Variants in SHPRH observed in about 807,000 individuals in gnomAD.
SHPRH encodes SNF2 histone linker PHD RING helicase, also known as E3 ubiquitin-protein ligase SHPRH.
A neutral mutation model predicts 202.5 loss-of-function variants in SHPRH; 106 were observed. The observed-to-expected ratio is 0.52, with a 90% CI of 0.45 to 0.62. SHPRH has a LOEUF of 0.62. SHPRH is among the 20% of genes least tolerant of loss of function. SHPRH has a pLI of 0.00. For missense variants in SHPRH, 1,710 were observed against 2,020.0 expected, an observed-to-expected ratio of 0.85 and a Z score of 2.94; for synonymous variants, 729 against 686.0, an observed-to-expected ratio of 1.06 and a Z score of -0.98.
intron 25 of SHPRH, chr6:145,907,135 T>C (rs1783034709): frequency 6.6e-6 from 1 of 152,156 alleles, no homozygotes; most frequent in African/African-American, 2.4e-5. Flanking sequence ...ACCTTAAATA[T>C]GATATGTCTA....
At chr6:145,917,451 G>C (rs1018202070) in intron 23 of SHPRH, 1 of 151,980 alleles carries the variant, frequency 6.6e-6, no homozygotes, top group Non-Finnish European at 1.5e-5. Context: ...TTTTCATTTT[G>C]TCTGAGATTT....
intron 14 of SHPRH, among the ~76,000 whole-genome samples, chr6:145,931,064 T>C (rs1785386466): frequency 6.6e-6 from 1 of 152,158 alleles, no homozygotes; most frequent in Non-Finnish European, 1.5e-5. Flanking sequence ...AGTGGCTTTA[T>C]CGTTCTTTTG....
chr6:145,904,122 T>A (rs1466872135), intron 25 of SHPRH: 1 of 152,094 alleles, frequency 6.6e-6, no homozygotes, highest in East Asian at 1.9e-4. Flanking sequence ...TACTAATAAA[T>A]AATAGTTTTA....
At chr6:145,874,364 TG>T (rs1780206110) in intron 2 of SHPRH, among the ~76,000 whole-genome samples, 1 of 152,124 alleles carries the variant, frequency 6.6e-6, no homozygotes, top group Admixed American at 6.5e-5. Flanking sequence ...GTTGATAGGC[TG>T]GAAGAACAAT....
chr6:145,919,580 C>CA (rs1275643997), intron 21 of SHPRH, 89 bp from the exon 22 acceptor site: 9 of 1,452,814 alleles, frequency 6.2e-6, no homozygotes, highest in Non-Finnish European at 8.4e-6. Context: ...CAAAAGTCTT[C>CA]AATGAGATCT....
In SHPRH at chr6:145,935,107, T is replaced by C; in HGVS notation, c.2790A>G (p.Glu930=). The change falls in exon 13 of 30, where the codon GAA becomes GAG. Residue 930 remains glutamate, a synonymous_variant. Transcript: ENST00000275233. ...CATGCTGACGGTGATAGAAATGCCT[T>C]TCCACTGGAGAAAAGTGGAGCCAGT... ...EIHWLHFSPV[E]RHFYHRQHEV... 2 of 1,613,964 alleles carry C rather than the reference T, an allele frequency of 1.2e-6. No individual in the cohort carries two copies. The highest frequency in any genetic ancestry group is 8.5e-7 in the Non-Finnish European group (1 of 1,179,974).
At position 145,922,770 on chromosome 6, in the gene SHPRH, C is replaced by G; in HGVS notation, c.3612G>C (p.Gln1204His). The G allele has an allele frequency of 6.2e-7, 1 of 1,612,098 alleles. No homozygotes were observed. Among genetic ancestry groups the G allele is most frequent in the Non-Finnish European group, 8.5e-7 (1 of 1,178,790 alleles). ...TTQMEELNKCQKLVREAVKNL... is the reference protein window; with the variant it reads ...TTQMEELNKCHKLVREAVKNL... ...TTTTTACAGCCTCTCTTACTAGCTT[C>G]TGGCATTTATTTAGCTCTTCCATTT... Residue 1204 changes from glutamine to histidine, a missense_variant, in exon 19 of 30, where the codon CAG (glutamine) becomes CAC (histidine). By Grantham distance (24) the Gln-to-His change is conservative. This residue lies in a region of SHPRH where 288 missense variants were observed against 317.8 expected (regional missense o/e 0.91). Transcript: ENST00000275233.
chr6:145,932,045 A>AT (rs1281540226), intron 14 of SHPRH, among the ~76,000 whole-genome samples: 6 of 151,726 alleles, frequency 4.0e-5, no homozygotes, highest in South Asian at 2.1e-4. Flanking sequence ...GACTTTATTG[A>AT]TTTTTTTCTT....
intron 21 of SHPRH, among the ~76,000 whole-genome samples, chr6:145,920,863 T>C (rs1474407359): frequency 1.3e-5 from 2 of 152,206 alleles, no homozygotes; most frequent in East Asian, 1.9e-4. Context: ...TAATTTCATA[T>C]AATAGCAGTG....
intron 22 of SHPRH, 117 bp from the exon 23 acceptor site, chr6:145,918,349 C>T: frequency 3.3e-6 from 2 of 598,798 alleles, no homozygotes; most frequent in South Asian, 9.5e-5. Context: ...AACCTATTTA[C>T]ATTCTAAAAC....
chr6:145,921,772 A>C (rs1784451128), intron 20 of SHPRH, among the ~76,000 whole-genome samples: 1 of 152,042 alleles, frequency 6.6e-6, no homozygotes, highest in South Asian at 2.1e-4. Flanking sequence ...CAGTAATAAC[A>C]GAAAAAGATT....
intron 7 of SHPRH, 102 bp downstream of exon 7, chr6:145,946,131 A>G (rs1191023549): frequency 1.3e-6 from 1 of 799,268 alleles, no homozygotes; most frequent in African/African-American, 1.8e-5. Flanking sequence ...ATAACTGTAA[A>G]AACAATTGTT....
In SHPRH at chr6:145,941,782, T is replaced by C; in HGVS notation, c.2331A>G (p.Ser777=). 1 of 1,614,048 alleles carries C rather than the reference T, an allele frequency of 6.2e-7. No homozygotes were observed. Among genetic ancestry groups the C allele is most frequent in the Non-Finnish European group, 8.5e-7 (1 of 1,179,964 alleles). ...GTGGGATATCGACATAATTTAATTC[T>C]GAACGCAGTACATCATAGGTAATGA... ...IVIITYDVLR[S]ELNYVDIPHS... is the part of the protein sequence containing the mutation. Residue 777 remains serine (S), a synonymous_variant, in exon 10 of 30, where the codon TCA becomes TCG. Transcript: ENST00000275233.
chr6:145,953,668 G>A (rs1277974070), intron 2 of SHPRH, among the ~76,000 whole-genome samples: 1 of 152,022 alleles, frequency 6.6e-6, no homozygotes, highest in Non-Finnish European at 1.5e-5. Flanking sequence ...AAATTTTCAG[G>A]TTTAGCATAA....
At chr6:145,957,888 T>G (rs1788670563) in intron 1 of SHPRH, among the ~76,000 whole-genome samples, 1 of 152,168 alleles carries the variant, frequency 6.6e-6, no homozygotes, top group Non-Finnish European at 1.5e-5. Context: ...TGTTAACAGC[T>G]TTACTATTAA....
chr6:145,864,301 T>G (rs778757856), exon 3 of SHPRH: 74 of 360,202 alleles, frequency 2.1e-4, no homozygotes, highest in Middle Eastern at 5.9e-4. Flanking sequence ...AGCCCCATAA[T>G]TTTTACTTGT....
At chr6:145,915,050 T>C (rs1337888606) in intron 23 of SHPRH, among the ~76,000 whole-genome samples, 2 of 149,614 alleles carry the variant, frequency 1.3e-5, no homozygotes, top group African/African-American at 4.9e-5. Context: ...GATTAAATTA[T>C]CTTAAAATAA....
In SHPRH at chr6:145,873,084, C is replaced by A. The variant is rs1780127869; in HGVS notation, c.222-8593G>T. On this transcript the variant is annotated intron_variant, in intron 2 of 2. Coordinates refer to the SHPRH transcript ENST00000417762. ...TAACTATTGGATAATGGGCTTAATACCTGGGTGATAGGATGATCTGTGTAG... is the reference window on the plus strand; with the variant it reads ...TAACTATTGGATAATGGGCTTAATAACTGGGTGATAGGATGATCTGTGTAG... Among the ~76,000 whole-genome samples, 4 of 152,120 alleles carry A rather than the reference C, an allele frequency of 2.6e-5. No individual in the cohort carries two copies. The South Asian group carries it at 8.3e-4, about 32-fold the overall frequency.
Position 145,921,318 on chromosome 6 carries a change from G to A in SHPRH, c.3857C>T (p.Thr1286Ile), listed in dbSNP as rs1424569124. 6.2e-7 allele frequency: 1 copy of A among 1,612,888 alleles called. No homozygotes were observed. Among genetic ancestry groups the A allele is most frequent in the South Asian group, 1.1e-5 (1 of 91,066 alleles). Residue 1286 changes from threonine (T) to isoleucine (I), a missense_variant, in exon 21 of 30, where the codon ACC (threonine) becomes ATC (isoleucine). This residue lies in a region of SHPRH where 288 missense variants were observed against 317.8 expected (regional missense o/e 0.91). Coordinates refer to ENST00000275233, the MANE Select transcript of SHPRH (RefSeq NM_001042683.3). ...TATTGCCCAGAGACCCCGGGTGGTG[G>A]TAGGTGCTCGATCATCCACCAGTCC... ...EEGLVDDRAP[T>I]TTRGLWAISE... is the part of the protein sequence containing the mutation.
Sources: gnomAD v4.1 joint callset for allele counts (sites outside exome capture counted in the v4.1 genomes callset) on GRCh38, gnomAD v4.1.1 for gene constraint, gnomAD v4.1.1 regional missense constraint, MANE v1.5 for transcripts, NCBI Gene and HGNC (gene_info 2026-07-23, HGNC 2026-07-21) for gene names.